Variants in SDK1 observed in about 807,000 individuals in gnomAD.
SDK1 encodes sidekick cell adhesion molecule 1.
In SDK1, 157 loss-of-function variants were observed where a neutral mutation model predicts 245.5. The ratio of observed to expected loss-of-function variants is 0.64; its 90% CI spans 0.56 to 0.73. The LOEUF (loss-of-function observed/expected upper bound fraction) is 0.73, where lower values mean the gene tolerates loss of function less well. Ranked by LOEUF, SDK1 falls within the 30% of genes least tolerant of loss-of-function variation. SDK1 has a pLI of 0.00. For missense variants in SDK1, 3,583 were observed against 3,002.3 expected (o/e 1.19, Z -4.52); for synonymous variants, 1,647 against 1,278.5 (o/e 1.29, Z -6.15).
intron 1 of SDK1, among the ~76,000 whole-genome samples, chr7:3,556,613 G>C (rs1434837481): frequency 1.3e-5 from 2 of 151,942 alleles, no homozygotes; most frequent in East Asian, 3.9e-4. Context: ...CTCAGGTCAG[G>C]ATTTTGAGAC....
intron 4 of SDK1, among the ~76,000 whole-genome samples, chr7:3,804,215 C>G (rs1469455805): frequency 6.6e-6 from 1 of 152,172 alleles, no homozygotes; most frequent in Non-Finnish European, 1.5e-5. Flanking sequence ...AAAAATTTTA[C>G]AGTTTTACAA....
chr7:3,820,438 G>T (rs910080645), intron 4 of SDK1, among the ~76,000 whole-genome samples: 14 of 152,136 alleles, frequency 9.2e-5, no homozygotes, highest in East Asian at 3.8e-4. Flanking sequence ...GTGAGCCACT[G>T]CGCTCAGCCC....
chr7:4,014,290 G>A (rs1786219755), intron 16 of SDK1, among the ~76,000 whole-genome samples: 1 of 152,174 alleles, frequency 6.6e-6, no homozygotes, highest in South Asian at 2.1e-4. Context: ...TGTTTTGTGG[G>A]ATTACTACTG....
At chr7:3,442,502 T>G (rs1438076406) in intron 1 of SDK1, among the ~76,000 whole-genome samples, 1 of 152,192 alleles carries the variant, frequency 6.6e-6, no homozygotes, top group East Asian at 1.9e-4. Context: ...GACCTCTCTT[T>G]TAAGTGGAGA....
At chr7:3,566,653 G>C (rs1779929430) in intron 1 of SDK1, among the ~76,000 whole-genome samples, 1 of 151,704 alleles carries the variant, frequency 6.6e-6, no homozygotes, top group African/African-American at 2.4e-5. Flanking sequence ...AAATGATGTA[G>C]GTGTATGGAA....
At chr7:3,565,290 A>C (rs111386857) in intron 1 of SDK1, among the ~76,000 whole-genome samples, 1 of 152,184 alleles carries the variant, frequency 6.6e-6, no homozygotes, top group African/African-American at 2.4e-5. Flanking sequence ...CCTTAGCTAC[A>C]AAGGAATCTG....
chr7:3,948,338 A>G (rs1440159967), intron 5 of SDK1, among the ~76,000 whole-genome samples: 1 of 143,522 alleles, frequency 7.0e-6, no homozygotes, highest in Non-Finnish European at 1.5e-5. Flanking sequence ...GCTCACTGCA[A>G]CCTCCACCTC....
At chr7:3,393,687 CTTGA>C (rs1170606466) in intron 1 of SDK1, among the ~76,000 whole-genome samples, 1 of 152,228 alleles carries the variant, frequency 6.6e-6, no homozygotes, top group African/African-American at 2.4e-5. Flanking sequence ...AGAATTTCTG[CTTGA>C]TTCTTTTTAA....
At chr7:3,383,869 T>A (rs1254622527) in intron 1 of SDK1, among the ~76,000 whole-genome samples, 1 of 152,238 alleles carries the variant, frequency 6.6e-6, no homozygotes, top group African/African-American at 2.4e-5. Context: ...TTAAAAATAT[T>A]TTCTCTTTAG....
chr7:3,384,599 C>CT (rs386409396), intron 1 of SDK1, among the ~76,000 whole-genome samples: 3 of 45,742 alleles, frequency 6.6e-5, no homozygotes, highest in Non-Finnish European at 2.3e-4. Context: ...CCTCGAACAT[C>CT]GAAGGACTTC....
At chr7:3,701,173 A>G (rs921480162) in intron 4 of SDK1, among the ~76,000 whole-genome samples, 2 of 152,234 alleles carry the variant, frequency 1.3e-5, no homozygotes, top group Non-Finnish European at 1.5e-5. Flanking sequence ...GTGGAAATTG[A>G]CAGAGAATAC....
chr7:3,978,570 G>A (rs1389544065), intron 13 of SDK1, among the ~76,000 whole-genome samples: 1 of 152,190 alleles, frequency 6.6e-6, no homozygotes, highest in Non-Finnish European at 1.5e-5. Context: ...AAACCTGGAT[G>A]AATTGGGAAA....
chr7:4,010,364 C>T (rs1785843311), intron 14 of SDK1, among the ~76,000 whole-genome samples: 2 of 152,160 alleles, frequency 1.3e-5, no homozygotes, highest in South Asian at 4.1e-4. Context: ...TGGCAGAGTC[C>T]CTCTTGCACA....
intron 1 of SDK1, among the ~76,000 whole-genome samples, chr7:3,510,504 G>C (rs1782545087): frequency 1.3e-5 from 2 of 152,290 alleles, no homozygotes; most frequent in Admixed American, 1.3e-4. Flanking sequence ...TTTAATGTTT[G>C]TACATGGGAG....
intron 38 of SDK1, among the ~76,000 whole-genome samples, chr7:4,215,064 TG>T (rs1784715846): frequency 1.3e-5 from 2 of 152,164 alleles, no homozygotes; most frequent in Non-Finnish European, 2.9e-5. Flanking sequence ...CTCGGGACCC[TG>T]GCGCTCGCCT....
At chr7:3,698,486 G>C (rs548454475) in intron 4 of SDK1, among the ~76,000 whole-genome samples, 22 of 152,284 alleles carry the variant, frequency 1.4e-4, no homozygotes, top group African/African-American at 5.3e-4. Context: ...CATCTTCTCA[G>C]TGGTGACAAG....
chr7:3,474,364 G>C (rs942304287), intron 1 of SDK1, among the ~76,000 whole-genome samples: 1 of 151,954 alleles, frequency 6.6e-6, no homozygotes, highest in African/African-American at 2.4e-5. Context: ...AAAGTGCTGG[G>C]ATTACAGGTG....
intron 1 of SDK1, among the ~76,000 whole-genome samples, chr7:3,581,264 C>A (rs922503335): frequency 2.0e-5 from 3 of 152,078 alleles, no homozygotes; most frequent in South Asian, 2.1e-4. Context: ...ACAAAAAAAA[C>A]CTATTAATCG....
chr7:4,163,618 G>A (rs564845553), intron 32 of SDK1, among the ~76,000 whole-genome samples: 7 of 152,342 alleles, frequency 4.6e-5, no homozygotes, highest in African/African-American at 1.4e-4. Context: ...TGAGGTCCAG[G>A]ACCAGGCTAG....
Sources: gnomAD v4.1 joint callset for allele counts (sites outside exome capture counted in the v4.1 genomes callset) on GRCh38, gnomAD v4.1.1 for gene constraint, MANE v1.5 for transcripts, NCBI Gene and HGNC (gene_info 2026-07-23, HGNC 2026-07-21) for gene names.